The following TRIM33 variants were observed in gnomAD, a reference collection of about 807,000 sequenced individuals.
TRIM33 encodes the protein E3 ubiquitin-protein ligase TRIM33.
Under a neutral mutation model 125.4 loss-of-function variants are expected in TRIM33, and 20 were observed. The observed-to-expected ratio is 0.16, with a 90% CI of 0.11 to 0.23. TRIM33 has a LOEUF of 0.23. TRIM33 is among the 10% of genes least tolerant of loss of function. TRIM33 has a pLI of 1.00. For synonymous variants in TRIM33, 564 were observed against 513.9 expected (o/e 1.10, Z -1.32); for missense variants, 920 against 1,411.4 (o/e 0.65, Z 5.58).
chr1:114,420,318 T>C (rs571712227), intron 11 of TRIM33: 347 of 971,748 alleles, frequency 3.6e-4, no homozygotes, highest in Non-Finnish European at 4.8e-4. Context: ...TCTAACCCCA[T>C]CCTTTTCTCA....
At chr1:114,440,407 G>C (rs992032214) in intron 4 of TRIM33, among the ~76,000 whole-genome samples, 1 of 150,574 alleles carries the variant, frequency 6.6e-6, no homozygotes, top group Non-Finnish European at 1.5e-5. Flanking sequence ...AGTTTTAAAA[G>C]ACTACATATA....
chr1:114,420,467 A>C (rs1365039270), intron 11 of TRIM33: 11 of 1,305,636 alleles, frequency 8.4e-6, no homozygotes, highest in Non-Finnish European at 1.1e-5. Context: ...GCAGGTGTAG[A>C]AAGGGAGTAA....
rs1183328056 is a variant in TRIM33, at chr1:114,395,998, T to C, written c.*1650A>G. 1 of 195,168 alleles carries C rather than the reference T, an allele frequency of 5.1e-6. No individual in the cohort carries two copies. The highest frequency in any genetic ancestry group is 8.0e-5 in the East Asian group (1 of 12,548). The allele number at this position is 195,168 out of a possible 1,614,324, so 12.1% of individuals were successfully genotyped here. Reference sequence around the variant, plus strand: ...CCTCTTAGACAATTACGTGAAATAATTTTCTGAGTAGTCTACTCTCTGAAC... The same window carrying C: ...CCTCTTAGACAATTACGTGAAATAACTTTCTGAGTAGTCTACTCTCTGAAC... On this transcript the variant is annotated 3_prime_UTR_variant, in exon 20 of 20. Transcript: ENST00000358465.
At chr1:114,478,343 G>C (rs1651098899) in intron 1 of TRIM33, among the ~76,000 whole-genome samples, 1 of 152,150 alleles carries the variant, frequency 6.6e-6, no homozygotes, top group South Asian at 2.1e-4. Flanking sequence ...GATTTGCCAG[G>C]TATAAATTAG....
chr1:114,473,424 T>G (rs917104551), intron 1 of TRIM33, among the ~76,000 whole-genome samples: 4 of 152,120 alleles, frequency 2.6e-5, no homozygotes, highest in Non-Finnish European at 2.9e-5. Flanking sequence ...GTTCCCCTAT[T>G]GGTGAGGGTT....
chr1:114,444,789 A>C (rs1438636367), intron 4 of TRIM33, among the ~76,000 whole-genome samples: 1 of 152,254 alleles, frequency 6.6e-6, no homozygotes, highest in Non-Finnish European at 1.5e-5. Context: ...AAAAATTATC[A>C]GGCATTCAAA....
chr1:114,413,723 T>A (rs1652748948), intron 11 of TRIM33, among the ~76,000 whole-genome samples: 1 of 150,714 alleles, frequency 6.6e-6, no homozygotes, highest in African/African-American at 2.4e-5. Context: ...TTCTGTTACT[T>A]AAAAAAATTA....
At chr1:114,443,996 G>C (rs536601720) in intron 4 of TRIM33, among the ~76,000 whole-genome samples, 2 of 152,286 alleles carry the variant, frequency 1.3e-5, no homozygotes, top group Admixed American at 6.5e-5. Context: ...AATACATGAG[G>C]CAACTATATT....
intron 4 of TRIM33, among the ~76,000 whole-genome samples, chr1:114,442,455 C>T (rs926357104): frequency 5.3e-5 from 8 of 151,880 alleles, no homozygotes; most frequent in African/African-American, 9.7e-5. Flanking sequence ...TTTGGGAGGC[C>T]GAGGTGGGTG....
intron 4 of TRIM33, among the ~76,000 whole-genome samples, chr1:114,439,662 T>G (rs1648534549): frequency 6.6e-6 from 1 of 151,872 alleles, no homozygotes; most frequent in South Asian, 2.1e-4. Context: ...ATAAAAGTTT[T>G]TCAAATTTGA....
intron 1 of TRIM33, among the ~76,000 whole-genome samples, chr1:114,500,810 G>T (rs531297661): frequency 5.9e-5 from 9 of 151,718 alleles, no homozygotes; most frequent in Admixed American, 1.3e-4. Flanking sequence ...TCTAAAAAGT[G>T]TATCAGTTAT....
At chr1:114,487,048 T>C (rs1451454565) in intron 1 of TRIM33, among the ~76,000 whole-genome samples, 2 of 150,308 alleles carry the variant, frequency 1.3e-5, no homozygotes, top group African/African-American at 2.5e-5. Flanking sequence ...GATCACGCCA[T>C]TGCACACCAG....
At chr1:114,408,055 C>T (rs560598597) in intron 13 of TRIM33, among the ~76,000 whole-genome samples, 1 of 152,262 alleles carries the variant, frequency 6.6e-6, no homozygotes, top group East Asian at 1.9e-4. Flanking sequence ...GCCACCACTA[C>T]ACTACCAAGT....
Position 114,500,905 on chromosome 1 carries a change from T to C in TRIM33, c.526+9646A>G, listed in dbSNP as rs1164173358. Among the ~76,000 whole-genome samples, 3 of 130,168 alleles carry C rather than the reference T, an allele frequency of 2.3e-5. 1 individual carries two copies. Among genetic ancestry groups the C allele is most frequent in the Non-Finnish European group, 3.3e-5 (2 of 60,176 alleles). The allele number at this position is 130,168 out of a possible 152,430, so 85.4% of individuals were successfully genotyped here. On this transcript the variant is annotated intron_variant, in intron 1 of 19. Transcript: ENST00000358465. ...CTCACAGCTTTCTTGAAACAAGAAT[T>C]TGGGGCCGGGCGCGGTGGCTCACGC...
intron 4 of TRIM33, among the ~76,000 whole-genome samples, chr1:114,439,282 A>T (rs1358036281): frequency 6.7e-6 from 1 of 148,210 alleles, no homozygotes; most frequent in Admixed American, 6.7e-5. Context: ...GACCAGCCTG[A>T]CCAACATGGT....
In TRIM33 at chr1:114,394,399, A is replaced by C. The variant is rs995218750; in HGVS notation, c.*3249T>G. 1.8e-5 allele frequency: 4 copies of C among 221,624 alleles called. No individual in the cohort carries two copies. Among genetic ancestry groups the C allele is most frequent in the Non-Finnish European group, 3.6e-5 (4 of 110,506 alleles). The allele number at this position is 221,624 out of a possible 1,614,324, so 13.7% of individuals were successfully genotyped here. ...CCAAGGGCATAGTTGGAAGACCTGAATCTATTATCTTATTAACACTAATCA... is the reference window on the plus strand; with the variant it reads ...CCAAGGGCATAGTTGGAAGACCTGACTCTATTATCTTATTAACACTAATCA... On this transcript the variant is annotated 3_prime_UTR_variant, in exon 20 of 20. Transcript: ENST00000358465.
At chr1:114,407,441 A>T (rs1652319863) in intron 13 of TRIM33, among the ~76,000 whole-genome samples, 1 of 152,176 alleles carries the variant, frequency 6.6e-6, no homozygotes, top group African/African-American at 2.4e-5. Flanking sequence ...AATGAGTGCT[A>T]TTAGTACTAG....
At position 114,510,948 on chromosome 1, in the gene TRIM33, C is replaced by T; in HGVS notation, c.129G>A (p.Val43=). 1 of 1,407,098 alleles carries T rather than the reference C, an allele frequency of 7.1e-7. No individual in the cohort carries two copies. Among genetic ancestry groups the T allele is most frequent in the Non-Finnish European group, 9.2e-7 (1 of 1,082,324 alleles). The allele number at this position is 1,407,098 out of a possible 1,614,324, so 87.2% of individuals were successfully genotyped here. The change falls in exon 1 of 20, where the codon GTG becomes GTA. Residue 43 remains valine (V), a synonymous_variant. Coordinates refer to ENST00000358465, the MANE Select transcript of TRIM33 (RefSeq NM_015906.4). ...EAEPPLTAVL[V]EEEEEEGGRA... is the part of the protein sequence containing the mutation. ...TGCCGCCTTCCTCCTCCTCCTCCTC[C>T]ACCAGCACCGCGGTGAGAGGCGGCT...
At chr1:114,466,669 T>C (rs1557882289) in intron 1 of TRIM33, among the ~76,000 whole-genome samples, 1 of 152,220 alleles carries the variant, frequency 6.6e-6, no homozygotes, top group East Asian at 1.9e-4. Flanking sequence ...TCCCAGTGTA[T>C]TGTCCCACAT....
Sources: allele counts gnomAD v4.1 joint callset (sites outside exome capture counted in the v4.1 genomes callset), GRCh38; gene constraint gnomAD v4.1.1; transcripts MANE v1.5; gene names NCBI Gene and HGNC (gene_info 2026-07-23, HGNC 2026-07-21).